Variants in SDK1 observed in about 807,000 individuals in gnomAD.
SDK1 encodes protein sidekick-1.
In SDK1, 157 loss-of-function variants were observed where a neutral mutation model predicts 245.5. That is an observed-to-expected ratio of 0.64 (90% CI 0.56 to 0.73). The LOEUF (loss-of-function observed/expected upper bound fraction) is 0.73, where lower values mean the gene tolerates loss of function less well. Ranked by LOEUF, SDK1 falls within the 30% of genes least tolerant of loss-of-function variation. SDK1 has a pLI of 0.00. For missense variants in SDK1, 3,583 were observed against 3,002.3 expected, an observed-to-expected ratio of 1.19 and a Z score of -4.52; for synonymous variants, 1,647 against 1,278.5, an observed-to-expected ratio of 1.29 and a Z score of -6.15.
intron 1 of SDK1, among the ~76,000 whole-genome samples, chr7:3,372,552 A>G (rs1247603942): frequency 6.6e-6 from 1 of 152,180 alleles, no homozygotes; most frequent in East Asian, 1.9e-4. Context: ...ATACCTCAGG[A>G]GGGCAGAGCG....
chr7:3,329,796 C>T (rs1254948955), intron 1 of SDK1, among the ~76,000 whole-genome samples: 1 of 152,188 alleles, frequency 6.6e-6, no homozygotes, highest in Non-Finnish European at 1.5e-5. Context: ...CATATGCACA[C>T]TTATTTTTGT....
At chr7:3,390,035 C>T (rs80159656) in intron 1 of SDK1, among the ~76,000 whole-genome samples, 1 of 152,222 alleles carries the variant, frequency 6.6e-6, no homozygotes, top group East Asian at 1.9e-4. Flanking sequence ...GAAACTGTAG[C>T]TGAATTGTGT....
chr7:3,980,335 T>G (rs1783302616), intron 13 of SDK1, among the ~76,000 whole-genome samples: 1 of 152,224 alleles, frequency 6.6e-6, no homozygotes, highest in African/African-American at 2.4e-5. Context: ...TCCTGAGGTG[T>G]CCTGTGCCTG....
chr7:3,540,083 G>C (rs1329356231), intron 1 of SDK1, among the ~76,000 whole-genome samples: 1 of 152,180 alleles, frequency 6.6e-6, no homozygotes, highest in Non-Finnish European at 1.5e-5. Flanking sequence ...TTGATTGAAG[G>C]CCTTCTCATT....
At chr7:3,327,452 A>G (rs969274138) in intron 1 of SDK1, among the ~76,000 whole-genome samples, 1 of 152,166 alleles carries the variant, frequency 6.6e-6, no homozygotes, top group African/African-American at 2.4e-5. Flanking sequence ...TGTGATTAAA[A>G]TGATGCTTTT....
In SDK1 at chr7:4,126,156, C is replaced by T. The variant is rs73048315; in HGVS notation, c.3824-1225C>T. On this transcript the variant is annotated intron_variant, in intron 25 of 44. Transcript: ENST00000404826. ...CGGGATCTTCAGTCCCAGCTGAGAG[C>T]AGCTCCTCCATGCTGTTTATAAACA... Among the ~76,000 whole-genome samples, 3 of 152,154 alleles carry T rather than the reference C, an allele frequency of 2.0e-5. No homozygotes were observed. The East Asian group carries it at 5.8e-4, about 29-fold the overall frequency.
At chr7:3,862,155 T>C (rs1780709554) in intron 5 of SDK1, among the ~76,000 whole-genome samples, 1 of 152,246 alleles carries the variant, frequency 6.6e-6, no homozygotes, top group African/African-American at 2.4e-5. Context: ...CTTAGGAAAT[T>C]GCTTTCCTTT....
chr7:3,509,471 A>C (rs1489780640), intron 1 of SDK1, among the ~76,000 whole-genome samples: 1 of 152,196 alleles, frequency 6.6e-6, no homozygotes, highest in African/African-American at 2.4e-5. Context: ...AAAGCAATTA[A>C]AGGGTGCCTG....
intron 1 of SDK1, among the ~76,000 whole-genome samples, chr7:3,356,213 T>A (rs746183238): frequency 2.0e-4 from 30 of 152,148 alleles, no homozygotes; most frequent in Non-Finnish European, 3.5e-4. Context: ...TGCTTGCCCT[T>A]CTCTAGTCAT....
chr7:3,608,218 A>C (rs772471535), intron 1 of SDK1, among the ~76,000 whole-genome samples: 1 of 152,184 alleles, frequency 6.6e-6, no homozygotes, highest in Non-Finnish European at 1.5e-5. Context: ...ACTCAAATAA[A>C]ATTATTAAAA....
chr7:3,341,154 TAAA>T (rs921102897), intron 1 of SDK1, among the ~76,000 whole-genome samples: 2 of 152,052 alleles, frequency 1.3e-5, no homozygotes, highest in South Asian at 2.1e-4. Flanking sequence ...GAGTAATTAA[TAAA>T]AAATATTTAA....
chr7:3,910,771 G>A (rs1779135529), intron 5 of SDK1, among the ~76,000 whole-genome samples: 2 of 152,226 alleles, frequency 1.3e-5, no homozygotes, highest in African/African-American at 2.4e-5. Flanking sequence ...TGCCTGAATG[G>A]CTGATGATTC....
chr7:3,778,459 TA>T (rs1780628955), intron 4 of SDK1, among the ~76,000 whole-genome samples: 1 of 146,472 alleles, frequency 6.8e-6, no homozygotes, highest in Non-Finnish European at 1.5e-5. Context: ...TTAAAGTTCG[TA>T]TTTTCTATCT....
intron 4 of SDK1, among the ~76,000 whole-genome samples, chr7:3,767,387 G>A (rs977906459): frequency 6.6e-6 from 1 of 152,202 alleles, no homozygotes; most frequent in African/African-American, 2.4e-5. Flanking sequence ...AAACAAAAAA[G>A]TGCCGAGTGG....
At chr7:3,321,594 A>G (rs1010411812) in intron 1 of SDK1, among the ~76,000 whole-genome samples, 2 of 152,150 alleles carry the variant, frequency 1.3e-5, no homozygotes, top group African/African-American at 4.8e-5. Context: ...ATGTGAAGTT[A>G]CTTTCCAAAG....
chr7:3,793,349 T>A (rs1778865937), intron 4 of SDK1, among the ~76,000 whole-genome samples: 3 of 152,178 alleles, frequency 2.0e-5, no homozygotes, highest in Admixed American at 1.3e-4. Flanking sequence ...CTGCCTAAGT[T>A]GTATTCTCCT....
rs1788575019 is a variant in SDK1 at position 4,268,031 on chromosome 7, G to C, written c.*2647G>C. The C allele has an allele frequency of 1.0e-6, 1 of 985,440 alleles. No individual in the cohort carries two copies. Among genetic ancestry groups the C allele is most frequent in the Middle Eastern group, 5.2e-4 (1 of 1,914 alleles). The allele number at this position is 985,440 out of a possible 1,614,324, so 61.0% of individuals were successfully genotyped here. A position where few individuals can be genotyped will look rare whatever the true frequency, so the allele number is the denominator to read the frequency against. Reference sequence around the variant, plus strand: ...GAAAATCACAGCCTAGGAAGATGGAGGTTGGATTTTAATCTCGGTTTTAAA... The same window carrying C: ...GAAAATCACAGCCTAGGAAGATGGACGTTGGATTTTAATCTCGGTTTTAAA... On this transcript the variant is annotated 3_prime_UTR_variant, in exon 45 of 45. Coordinates refer to ENST00000404826, the MANE Select transcript of SDK1 (RefSeq NM_152744.4).
intron 4 of SDK1, among the ~76,000 whole-genome samples, chr7:3,670,345 C>T (rs534192626): frequency 3.9e-5 from 6 of 152,286 alleles, no homozygotes; most frequent in South Asian, 4.1e-4. Context: ...GACGTCCAGC[C>T]ACAGCCACTT....
At chr7:3,648,908 T>G (rs1782926987) in intron 4 of SDK1, among the ~76,000 whole-genome samples, 1 of 152,212 alleles carries the variant, frequency 6.6e-6, no homozygotes, top group Non-Finnish European at 1.5e-5. Context: ...TGAAAAGGGT[T>G]TTCTAATCAC....
Sources: gnomAD v4.1 joint callset for allele counts (sites outside exome capture counted in the v4.1 genomes callset) on GRCh38, gnomAD v4.1.1 for gene constraint, MANE v1.5 for transcripts, NCBI Gene and HGNC (gene_info 2026-07-23, HGNC 2026-07-21) for gene names.